The following HFM1 variants were observed in gnomAD, a reference collection of about 807,000 sequenced individuals.
HFM1 encodes helicase for meiosis 1, also known as probable ATP-dependent DNA helicase HFM1.
Under a neutral mutation model 192.1 loss-of-function variants are expected in HFM1, and 169 were observed. The observed-to-expected ratio is 0.88, with a 90% CI of 0.78 to 1.00. The LOEUF is 1.00. Among genes scored for constraint, HFM1 ranks in the 50% least tolerant of loss-of-function variants. The probability of loss-of-function intolerance (pLI) is 0.00; values close to 1 mark genes in which losing one functional copy is unlikely to be tolerated. For synonymous variants in HFM1, 525 were observed against 537.8 expected, an observed-to-expected ratio of 0.98 and a Z score of 0.33; for missense variants, 1,661 against 1,668.0, an observed-to-expected ratio of 1.00 and a Z score of 0.07.
chr1:91,384,259 T>C (rs566143603), intron 6 of HFM1, among the ~76,000 whole-genome samples: 1 of 152,294 alleles, frequency 6.6e-6, no homozygotes, highest in African/African-American at 2.4e-5. Context: ...AAATAAGTCA[T>C]GATGTTTGCC....
chr1:91,337,811 G>C (rs958362935), intron 20 of HFM1, among the ~76,000 whole-genome samples: 1 of 152,196 alleles, frequency 6.6e-6, no homozygotes, highest in Non-Finnish European at 1.5e-5. Flanking sequence ...AACAGAATCT[G>C]ACCATGTCAG....
chr1:91,368,676 A>C (rs937178882), intron 13 of HFM1, among the ~76,000 whole-genome samples: 6 of 152,232 alleles, frequency 3.9e-5, no homozygotes, highest in African/African-American at 1.4e-4. Flanking sequence ...AAGGCTAGGA[A>C]GAAACTGCAT....
At chr1:91,268,146 AATTCT>A (rs1665939833) in intron 34 of HFM1, among the ~76,000 whole-genome samples, 1 of 152,044 alleles carries the variant, frequency 6.6e-6, no homozygotes, top group Admixed American at 6.6e-5. Context: ...GTATTCAGCC[AATTCT>A]ATTAACTGTA....
intron 13 of HFM1, among the ~76,000 whole-genome samples, chr1:91,364,636 T>A (rs868253622): frequency 4.1e-4 from 49 of 119,788 alleles, no homozygotes; most frequent in African/African-American, 1.3e-3. Context: ...ATATATATTT[T>A]TTTTTTTTTT....
chr1:91,344,720 CTTTCTTTTTA>C, intron 19 of HFM1, among the ~76,000 whole-genome samples: 1 of 147,680 alleles, frequency 6.8e-6, no homozygotes, highest in Non-Finnish European at 1.5e-5. Context: ...CTTTCTTTTT[CTTTCTTTTTA>C]TTTTCATTTC....
chr1:91,379,767 T>C (rs1181013132), intron 8 of HFM1, among the ~76,000 whole-genome samples: 1 of 152,130 alleles, frequency 6.6e-6, no homozygotes, highest in Non-Finnish European at 1.5e-5. Context: ...TATATTACTT[T>C]GATTAAAAAA....
Position 91,323,095 on chromosome 1 carries a change from G to T in HFM1, c.2532C>A (p.Ile844=). 1.3e-6 allele frequency: 2 copies of T among 1,509,126 alleles called. No homozygotes were observed. The highest frequency in any genetic ancestry group is 1.8e-6 in the Non-Finnish European group (2 of 1,096,022). The allele number at this position is 1,509,126 out of a possible 1,614,324, so 93.5% of individuals were successfully genotyped here. The part of the protein sequence containing the change: ...TLNKDPNRIT[I]RFPMEGRIKT... ...TAAAACATATGTAATTTCTGTACCT[G>T]ATAGTTATCCGATTTGGATCTTTGT... Residue 844 remains isoleucine, a splice_region_variant and synonymous_variant, in exon 22 of 39, where the codon ATC becomes ATA. Transcript: ENST00000370425.
At chr1:91,345,330 T>C (rs554518648) in intron 19 of HFM1, among the ~76,000 whole-genome samples, 21 of 152,106 alleles carry the variant, frequency 1.4e-4, no homozygotes, top group African/African-American at 4.6e-4. Flanking sequence ...GCTTGGTGTG[T>C]TTAAGGAATA....
upstream of HFM1, among the ~76,000 whole-genome samples, chr1:91,407,321 C>T (rs1046407036): frequency 4.0e-5 from 6 of 151,654 alleles, no homozygotes; most frequent in Non-Finnish European, 5.9e-5. Flanking sequence ...CAAACCTGCA[C>T]GTTGTGCACA....
intron 13 of HFM1, among the ~76,000 whole-genome samples, chr1:91,357,297 T>C (rs282055): frequency 1 from 152,155 of 152,336 alleles, 75,987 homozygotes; most frequent in Non-Finnish European, 1. Flanking sequence ...TGGTTTAATA[T>C]ATGCCAATCA....
intron 34 of HFM1, among the ~76,000 whole-genome samples, chr1:91,270,589 G>GA (rs1457887549): frequency 6.8e-6 from 1 of 146,120 alleles, no homozygotes; most frequent in Non-Finnish European, 1.5e-5. Flanking sequence ...AAAAAAAAAA[G>GA]AAAAAAGAAT....
chr1:91,280,774 T>C (rs1394543475), intron 30 of HFM1, among the ~76,000 whole-genome samples: 3 of 152,182 alleles, frequency 2.0e-5, no homozygotes, highest in Non-Finnish European at 4.4e-5. Context: ...ACCCCCCTAG[T>C]TTGGTATCAT....
intron 13 of HFM1, among the ~76,000 whole-genome samples, chr1:91,369,079 GA>G (rs1247689594): frequency 6.6e-6 from 1 of 152,054 alleles, no homozygotes; most frequent in East Asian, 1.9e-4. Context: ...CCCAATACAG[GA>G]GCACCCAGAT....
intron 13 of HFM1, among the ~76,000 whole-genome samples, chr1:91,353,687 A>G (rs1448899558): frequency 1.3e-5 from 2 of 149,938 alleles, no homozygotes; most frequent in Admixed American, 6.6e-5. Context: ...GAAATAAACC[A>G]TAGTGTTTCC....
chr1:91,286,953 G>A (rs558065660), intron 30 of HFM1, among the ~76,000 whole-genome samples: 192 of 152,270 alleles, frequency 1.3e-3, no homozygotes, highest in African/African-American at 4.4e-3. Flanking sequence ...CTTTTCCGAC[G>A]GGCTTAAAAA....
At chr1:91,325,104 G>T (rs929009026) in intron 20 of HFM1, among the ~76,000 whole-genome samples, 1 of 151,506 alleles carries the variant, frequency 6.6e-6, no homozygotes. Flanking sequence ...CTGGGCCAGA[G>T]GGGGAGCCTA....
chr1:91,352,966 A>G, intron 15 of HFM1, 85 bp downstream of exon 15: 2 of 821,578 alleles, frequency 2.4e-6, no homozygotes, highest in South Asian at 1.8e-5. Context: ...AAACAAGCAG[A>G]ACACTTGCGC....
chr1:91,392,153 T>C (rs1473655850), intron 4 of HFM1, among the ~76,000 whole-genome samples: 1 of 152,060 alleles, frequency 6.6e-6, no homozygotes, highest in Non-Finnish European at 1.5e-5. Context: ...TTGGTGGGAC[T>C]GTAAACTAGT....
chr1:91,389,727 G>C (rs1338371545), intron 4 of HFM1, among the ~76,000 whole-genome samples: 3 of 152,010 alleles, frequency 2.0e-5, no homozygotes, highest in Non-Finnish European at 4.4e-5. Flanking sequence ...AAATAACTAA[G>C]ACAATTAGTC....
Sources: gnomAD v4.1 joint callset for allele counts (sites outside exome capture counted in the v4.1 genomes callset) on GRCh38, gnomAD v4.1.1 for gene constraint, MANE v1.5 for transcripts, NCBI Gene and HGNC (gene_info 2026-07-23, HGNC 2026-07-21) for gene names.